Variants in RUNX1T1 observed in about 807,000 individuals in gnomAD.
RUNX1T1 encodes RUNX1 partner transcriptional co-repressor 1, also known as protein CBFA2T1.
Under a neutral mutation model 62.8 loss-of-function variants are expected in RUNX1T1, and 4 were observed. The ratio of observed to expected loss-of-function variants is 0.06; its 90% CI spans 0.03 to 0.15. RUNX1T1 has a LOEUF of 0.15. Among genes scored for constraint, RUNX1T1 ranks in the 10% least tolerant of loss-of-function variants. The probability of loss-of-function intolerance (pLI) is 1.00; values close to 1 mark genes in which losing one functional copy is unlikely to be tolerated. For missense variants in RUNX1T1, 508 were observed against 754.3 expected (o/e 0.67, Z 3.82); for synonymous variants, 291 against 286.0 (o/e 1.02, Z -0.18).
At chr8:92,005,258 C>T (rs766588136) in exon 5 of RUNX1T1, 6 of 1,613,348 alleles carry the variant, frequency 3.7e-6, no homozygotes, top group South Asian at 1.1e-5. Flanking sequence ...GCCAGTCTTG[C>T]GCAGTGGAGG....
At chr8:91,977,095 T>A (rs1260959676) in intron 8 of RUNX1T1, 1 of 193,880 alleles carries the variant, frequency 5.2e-6, no homozygotes. Context: ...TTTAGCTAAG[T>A]ATATGTTGTT....
intron 1 of RUNX1T1, among the ~76,000 whole-genome samples, chr8:92,050,476 C>A (rs1830063683): frequency 6.6e-6 from 1 of 152,154 alleles, no homozygotes; most frequent in Non-Finnish European, 1.5e-5. Flanking sequence ...TGTGCTGGGT[C>A]TCCTAACAAA....
intron 1 of RUNX1T1, among the ~76,000 whole-genome samples, chr8:92,025,721 C>A (rs1161428275): frequency 6.6e-6 from 1 of 152,180 alleles, no homozygotes; most frequent in Non-Finnish European, 1.5e-5. Flanking sequence ...CAGCACTTAG[C>A]AGTATCTGAC....
intron 1 of RUNX1T1, among the ~76,000 whole-genome samples, chr8:92,055,227 C>G (rs1301421899): frequency 6.6e-6 from 1 of 152,006 alleles, no homozygotes; most frequent in African/African-American, 2.4e-5. Context: ...GTTTTACACT[C>G]AGAAAATATG....
chr8:91,982,918 CTTTTTTT>C (rs56135737), intron 8 of RUNX1T1, among the ~76,000 whole-genome samples: 4 of 59,632 alleles, frequency 6.7e-5, no homozygotes, highest in South Asian at 1.1e-3. Context: ...TAGGAAAATA[CTTTTTTT>C]TTTTTTTTTT....
At position 92,041,603 on chromosome 8, in the gene RUNX1T1, G is replaced by A. The variant is rs949888005; in HGVS notation, c.7+20943C>T. Among the ~76,000 whole-genome samples, 7 of 151,964 alleles carry A rather than the reference G, an allele frequency of 4.6e-5. No individual in the cohort carries two copies. The South Asian group carries it at 8.3e-4, about 18-fold the overall frequency. On this transcript the variant is annotated intron_variant, in intron 1 of 10. Transcript: ENST00000396218. ...TAAAAATGCAAAAAATTAGCTGGGC[G>A]TGGTGGCATGCGCCTGTAACCCCAG...
chr8:91,996,479 G>T (rs534512894), intron 5 of RUNX1T1, among the ~76,000 whole-genome samples: 2 of 152,302 alleles, frequency 1.3e-5, no homozygotes, highest in South Asian at 4.1e-4. Context: ...GGGATTACAG[G>T]CGTGAGCCAC....
chr8:92,027,477 T>C (rs902219845), intron 1 of RUNX1T1, among the ~76,000 whole-genome samples: 1 of 152,206 alleles, frequency 6.6e-6, no homozygotes, highest in South Asian at 2.1e-4. Flanking sequence ...CATCTTCCGC[T>C]GCCATTCAGA....
intron 1 of RUNX1T1, among the ~76,000 whole-genome samples, chr8:92,061,079 C>G (rs2130588122): frequency 6.6e-6 from 1 of 152,270 alleles, no homozygotes; most frequent in African/African-American, 2.4e-5. Context: ...TGCTTTGAAG[C>G]TTAGTTTAAA....
At chr8:92,072,669 G>A (rs545538539) in intron 2 of RUNX1T1, among the ~76,000 whole-genome samples, 8 of 152,264 alleles carry the variant, frequency 5.3e-5, no homozygotes, top group South Asian at 4.1e-4. Context: ...TTGATTTCAC[G>A]CATCACACTG....
chr8:92,074,313 G>T (rs563378869), intron 2 of RUNX1T1, among the ~76,000 whole-genome samples: 5 of 152,308 alleles, frequency 3.3e-5, no homozygotes, highest in African/African-American at 1.2e-4. Flanking sequence ...TTGCCAGCAG[G>T]CCACAGATAT....
intron 10 of RUNX1T1, 85 bp from the exon 12 acceptor site, chr8:91,960,602 T>C: frequency 7.2e-7 from 1 of 1,396,522 alleles, no homozygotes; most frequent in Non-Finnish European, 9.9e-7. Context: ...GGCATCACTG[T>C]AGCCTTATTT....
chr8:92,029,513 A>C (rs1825848616), intron 1 of RUNX1T1, among the ~76,000 whole-genome samples: 1 of 152,202 alleles, frequency 6.6e-6, no homozygotes, highest in Non-Finnish European at 1.5e-5. Flanking sequence ...TGATGTTAAA[A>C]ACCAATGCCA....
chr8:92,090,167 C>A (rs1014888183), intron 1 of RUNX1T1, among the ~76,000 whole-genome samples: 1 of 150,816 alleles, frequency 6.6e-6, no homozygotes, highest in East Asian at 2.0e-4. Flanking sequence ...ATTAGTCAAG[C>A]GACTGCACAC....
intron 1 of RUNX1T1, among the ~76,000 whole-genome samples, chr8:92,061,461 T>C (rs780788318): frequency 3.3e-5 from 5 of 152,222 alleles, no homozygotes; most frequent in African/African-American, 4.8e-5. Context: ...TTTTTGTAAA[T>C]TGATTTTCCC....
chr8:92,051,060 A>T, intron 1 of RUNX1T1, among the ~76,000 whole-genome samples: 1 of 152,038 alleles, frequency 6.6e-6, no homozygotes, highest in Middle Eastern at 3.4e-3. Flanking sequence ...GTCACTCTCC[A>T]GCCTTTTTTT....
chr8:92,078,893 A>G (rs1441634474), intron 1 of RUNX1T1, among the ~76,000 whole-genome samples: 1 of 152,234 alleles, frequency 6.6e-6, no homozygotes, highest in Non-Finnish European at 1.5e-5. Flanking sequence ...ATAACTTGAG[A>G]GAACCTTCTA....
downstream of RUNX1T1, chr8:91,955,272 A>G: frequency 1.3e-5 from 3 of 223,114 alleles, no homozygotes; most frequent in Non-Finnish European, 1.8e-5. Context: ...TTATAAGGGA[A>G]CTAAGTCAAC....
chr8:92,032,317 A>G (rs1826416916), intron 1 of RUNX1T1, among the ~76,000 whole-genome samples: 1 of 152,292 alleles, frequency 6.6e-6, no homozygotes, highest in Admixed American at 6.5e-5. Context: ...CCAAGCAACT[A>G]CTAGACAGAC....
Sources: gnomAD v4.1 joint callset for allele counts (sites outside exome capture counted in the v4.1 genomes callset) on GRCh38, gnomAD v4.1.1 for gene constraint, MANE v1.5 for transcripts, NCBI Gene and HGNC (gene_info 2026-07-23, HGNC 2026-07-21) for gene names.